The following CCDC149 variants were observed in gnomAD, a reference collection of about 807,000 sequenced individuals.
CCDC149 encodes coiled-coil domain-containing protein 149.
In CCDC149, 45 loss-of-function variants were observed where a neutral mutation model predicts 59.9. That is an observed-to-expected ratio of 0.75 (90% CI 0.59 to 0.96). The LOEUF (loss-of-function observed/expected upper bound fraction) is 0.96, where lower values mean the gene tolerates loss of function less well. Ranked by LOEUF, CCDC149 falls within the 40% of genes least tolerant of loss-of-function variation. The probability of loss-of-function intolerance (pLI) is 0.00; values close to 1 mark genes in which losing one functional copy is unlikely to be tolerated. For missense variants in CCDC149, 584 were observed against 664.7 expected (o/e 0.88, Z 1.33); for synonymous variants, 245 against 260.6 (o/e 0.94, Z 0.58).
chr4:24,819,152 G>A (rs1000492950), intron 12 of CCDC149, among the ~76,000 whole-genome samples: 8 of 152,116 alleles, frequency 5.3e-5, no homozygotes, highest in Non-Finnish European at 1.0e-4. Flanking sequence ...CTACTGCTTC[G>A]CAGACTTCCC....
At chr4:24,878,512 CTCAGGGGCGTATTGAGATT>C (rs1373188036) in intron 1 of CCDC149, among the ~76,000 whole-genome samples, 1 of 152,156 alleles carries the variant, frequency 6.6e-6, no homozygotes, top group Non-Finnish European at 1.5e-5. Flanking sequence ...CTGCAGTGTC[CTCAGGGGCGTATTGAGATT>C]TCACAGGAAA....
At chr4:24,915,668 G>A (rs1722101971), upstream of CCDC149, among the ~76,000 whole-genome samples, 1 of 152,166 alleles carries the variant, frequency 6.6e-6, no homozygotes, top group South Asian at 2.1e-4. Flanking sequence ...CAGCATGTGG[G>A]GAGACTTTCA....
At chr4:24,874,288 A>G (rs116733055) in intron 2 of CCDC149, among the ~76,000 whole-genome samples, 1,398 of 109,628 alleles carry the variant, frequency 0.013, 15 homozygotes, top group Middle Eastern at 0.035. Flanking sequence ...TTTTTGCCTT[A>G]AAAGGATTCT....
At chr4:24,955,657 T>C (rs1723444489) in intron 1 of CCDC149, among the ~76,000 whole-genome samples, 1 of 152,120 alleles carries the variant, frequency 6.6e-6, no homozygotes, top group Non-Finnish European at 1.5e-5. Flanking sequence ...TCTACTTATA[T>C]GAGGTACTTA....
At chr4:24,895,307 G>C (rs1263925515) in intron 1 of CCDC149, among the ~76,000 whole-genome samples, 1 of 152,146 alleles carries the variant, frequency 6.6e-6, no homozygotes, top group Non-Finnish European at 1.5e-5. Context: ...AAAATGCACT[G>C]AGCTGTACAC....
chr4:24,853,137 T>C lies in CCDC149; in HGVS notation c.307A>G (p.Lys103Glu). The C allele has an allele frequency of 6.2e-7, 1 of 1,613,944 alleles. No homozygotes were observed. Among genetic ancestry groups the C allele is most frequent in the Non-Finnish European group, 8.5e-7 (1 of 1,179,800 alleles). ...TCTTTAATTTCTTCTCCCAGATGTT[T>C]ATTTCGGTCCTGAGAATCTCTCAAT... is the stretch of plus-strand genomic sequence containing the variant. Residue 103 changes from lysine to glutamate, a missense_variant, in exon 4 of 13, where the codon AAA (lysine) becomes GAA (glutamate). Physicochemically the swap from Lys to Glu is moderately conservative, Grantham distance 56. Transcript: ENST00000635206.
chr4:24,941,477 A>G (rs1487144169), intron 1 of CCDC149, among the ~76,000 whole-genome samples: 2 of 152,206 alleles, frequency 1.3e-5, no homozygotes, highest in Non-Finnish European at 2.9e-5. Context: ...TAACATCACA[A>G]TTAAAAGAAC....
intron 1 of CCDC149, among the ~76,000 whole-genome samples, chr4:24,928,170 G>A (rs191691500): frequency 3.3e-5 from 5 of 152,320 alleles, no homozygotes; most frequent in African/African-American, 9.6e-5. Flanking sequence ...TTGATTTGCA[G>A]TGAAAATTCT....
intron 1 of CCDC149, among the ~76,000 whole-genome samples, chr4:24,924,095 A>G (rs1722371919): frequency 6.6e-6 from 1 of 152,232 alleles, no homozygotes; most frequent in African/African-American, 2.4e-5. Flanking sequence ...CATTAGTGAG[A>G]ACAGACATAT....
Position 24,967,322 on chromosome 4 carries a change from C to T in CCDC149, c.-65+12747G>A, listed in dbSNP as rs374668222. ...GACAATTAAAAAGCTGGAGGAGGTGCAGAAAATGTGTGGCACCCACAGCAC... is the reference window on the plus strand; with the variant it reads ...GACAATTAAAAAGCTGGAGGAGGTGTAGAAAATGTGTGGCACCCACAGCAC... On this transcript the variant is annotated intron_variant, in intron 1 of 12. Coordinates refer to the CCDC149 transcript ENST00000389609. Among the ~76,000 whole-genome samples, 28 of 152,232 alleles carry T rather than the reference C, an allele frequency of 1.8e-4. No individual in the cohort carries two copies. The South Asian group carries it at 4.2e-3, about 23-fold the overall frequency.
intron 7 of CCDC149, among the ~76,000 whole-genome samples, chr4:24,835,236 G>A (rs568280268): frequency 6.6e-6 from 1 of 152,276 alleles, no homozygotes; most frequent in East Asian, 1.9e-4. Context: ...TTTAAATAAA[G>A]GTGGTGCATG....
intron 1 of CCDC149, among the ~76,000 whole-genome samples, chr4:24,941,639 T>C (rs1577496901): frequency 6.6e-6 from 1 of 151,988 alleles, no homozygotes; most frequent in African/African-American, 2.4e-5. Context: ...ACAAAATTGA[T>C]AGGCCACTAG....
intron 9 of CCDC149, chr4:24,829,484 G>A (rs997071750): frequency 6.6e-6 from 1 of 152,138 alleles, no homozygotes; most frequent in African/African-American, 2.4e-5. Context: ...AAAAGGAAAT[G>A]AGACAGTGGA....
intron 1 of CCDC149, among the ~76,000 whole-genome samples, chr4:24,971,511 G>A (rs28827039): frequency 0.028 from 4,212 of 152,326 alleles, 172 homozygotes; most frequent in African/African-American, 0.095. Flanking sequence ...ACATGAGCTT[G>A]TGCTTGGCTT....
At chr4:24,847,712 A>G (rs908535281) in intron 4 of CCDC149, among the ~76,000 whole-genome samples, 5 of 152,266 alleles carry the variant, frequency 3.3e-5, no homozygotes, top group African/African-American at 1.2e-4. Context: ...AAGGCCACAG[A>G]CAATAACTGG....
intron 3 of CCDC149, among the ~76,000 whole-genome samples, chr4:24,853,587 CA>C (rs11291619): frequency 0.24 from 22,086 of 92,368 alleles, 1,449 homozygotes; most frequent in Admixed American, 0.29. Context: ...GACTCCATTT[CA>C]AAAAAAAAAA....
At position 24,938,517 on chromosome 4, in the gene CCDC149, G is replaced by A. The variant is rs556656401; in HGVS notation, c.-65+41552C>T. The stretch of plus-strand genomic sequence containing the variant: ...TTTCTGCATTTCCAACTGAGGTACC[G>A]GGTTCATCTCACTGGGGAGCGCAGT... On this transcript the variant is annotated intron_variant, in intron 1 of 12. Coordinates refer to the CCDC149 transcript ENST00000389609. 7.2e-5 allele frequency among the ~76,000 whole-genome samples: 11 copies of A among 152,308 alleles called. No individual in the cohort carries two copies. In the South Asian group the frequency reaches 1.2e-3, roughly 17 times the overall value.
intron 1 of CCDC149, among the ~76,000 whole-genome samples, chr4:24,976,587 C>A (rs1724207390): frequency 6.6e-6 from 1 of 152,098 alleles, no homozygotes; most frequent in African/African-American, 2.4e-5. Context: ...GTGGTGCATG[C>A]CTGTAGTCCC....
chr4:24,916,378 A>AAAAC (rs1329079265), upstream of CCDC149, among the ~76,000 whole-genome samples: 2 of 152,238 alleles, frequency 1.3e-5, no homozygotes, highest in South Asian at 4.1e-4. Context: ...CAGACTGATG[A>AAAAC]AAACAAACAA....
Sources: allele counts gnomAD v4.1 joint callset (sites outside exome capture counted in the v4.1 genomes callset), GRCh38; gene constraint gnomAD v4.1.1; transcripts MANE v1.5; gene names NCBI Gene and HGNC (gene_info 2026-07-23, HGNC 2026-07-21).